Variants in PCDH10 observed in about 807,000 individuals in gnomAD.
PCDH10 encodes protocadherin-10.
A neutral mutation model predicts 74.4 loss-of-function variants in PCDH10; 15 were observed. The observed-to-expected ratio is 0.20, with a 90% CI of 0.13 to 0.31. The LOEUF (loss-of-function observed/expected upper bound fraction) is 0.31. Ranked by LOEUF, PCDH10 falls within the 10% of genes least tolerant of loss-of-function variation. The probability of loss-of-function intolerance (pLI) is 1.00; values close to 1 mark genes in which losing one functional copy is unlikely to be tolerated. For synonymous variants in PCDH10, 619 were observed against 589.8 expected (o/e 1.05, Z -0.72); for missense variants, 1,260 against 1,390.2 (o/e 0.91, Z 1.49).
chr4:133,166,136 T>TAGCA (rs2125864629), intron 4 of PCDH10, among the ~76,000 whole-genome samples: 1 of 151,724 alleles, frequency 6.6e-6, no homozygotes, highest in East Asian at 1.9e-4. Context: ...ATGTTGTAGT[T>TAGCA]TGCTAAGTTG....
At chr4:133,168,127 T>C (rs1211475939) in intron 4 of PCDH10, among the ~76,000 whole-genome samples, 1 of 151,476 alleles carries the variant, frequency 6.6e-6, no homozygotes, top group Non-Finnish European at 1.5e-5. Context: ...AACTTCTCTG[T>C]AACACTAGAT....
rs1405125250 is a variant in PCDH10 at position 133,152,516 on chromosome 4, C to T, written c.2376C>T (p.Ser792=). ...LSKSDIMLVQ[S]SNVPSNPAQV... is the part of the protein sequence containing the mutation. Reference sequence around the variant, plus strand: ...AGTCAGACATCATGCTGGTGCAGAGCTCCAATGTACCCAGTAACCCGGCCC... The same window carrying T: ...AGTCAGACATCATGCTGGTGCAGAGTTCCAATGTACCCAGTAACCCGGCCC... Residue 792 remains serine, a synonymous_variant, in exon 1 of 5, where the codon AGC becomes AGT. Coordinates refer to ENST00000264360, the MANE Select transcript of PCDH10 (RefSeq NM_032961.3). 1.2e-6 allele frequency: 2 copies of T among 1,614,152 alleles called. No individual in the cohort carries two copies. The highest frequency in any genetic ancestry group is 3.3e-5 in the Admixed American group (2 of 60,026).
chr4:133,206,437 T>G (rs1444141230), intron 2 of PCDH10, among the ~76,000 whole-genome samples: 1 of 152,126 alleles, frequency 6.6e-6, no homozygotes, highest in Admixed American at 6.6e-5. Context: ...TAATAACATT[T>G]TTGGTCCTTT....
chr4:133,163,960 T>C, intron 4 of PCDH10: 1 of 450,248 alleles, frequency 2.2e-6, no homozygotes. Flanking sequence ...TGCATTGAGG[T>C]TGTGGCTATT....
intron 4 of PCDH10, among the ~76,000 whole-genome samples, chr4:133,167,620 C>A (rs1727113125): frequency 6.6e-6 from 1 of 151,308 alleles, no homozygotes; most frequent in Admixed American, 6.6e-5. Flanking sequence ...TTCTTTTTAA[C>A]TTGATATGTT....
Position 133,150,591 on chromosome 4 carries a change from G to A in PCDH10, c.451G>A (p.Val151Met). 2 of 1,613,670 alleles carry A rather than the reference G, an allele frequency of 1.2e-6. No individual in the cohort carries two copies. The highest frequency in any genetic ancestry group is 2.2e-5 in the East Asian group (1 of 44,832). The change falls in exon 1 of 5, where the codon GTG becomes ATG. Residue 151 changes from valine (V) to methionine (M), a missense_variant. This residue lies in a region of PCDH10 where 63 missense variants were observed against 100.7 expected (regional missense o/e 0.63). Coordinates refer to ENST00000264360, the MANE Select transcript of PCDH10 (RefSeq NM_032961.3). ...FPLESAFDPD[V>M]GTNSLRDYEI... The stretch of plus-strand genomic sequence containing the variant: ...CTTGGAGAGCGCATTCGACCCAGAC[G>A]TGGGCACCAACTCCTTGCGCGACTA...
intron 2 of PCDH10, among the ~76,000 whole-genome samples, chr4:133,201,471 G>A (rs1461188074): frequency 6.6e-6 from 1 of 152,150 alleles, no homozygotes; most frequent in Non-Finnish European, 1.5e-5. Context: ...CTCAGGGACA[G>A]AGGAAACAAC....
In PCDH10 at chr4:133,191,958, TATATATACAC is replaced by T. The variant is rs1225824069; in HGVS notation, c.*1800_*1809del. Reference sequence around the variant, plus strand: ...TCCCTAGATTTAACTTTAAAATACATATATATACACACACACACACACACACACACACACA... The same window carrying T: ...TCCCTAGATTTAACTTTAAAATACATACACACACACACACACACACACACA... On this transcript the variant is annotated 3_prime_UTR_variant, in exon 5 of 5. Coordinates refer to ENST00000264360, the MANE Select transcript of PCDH10 (RefSeq NM_032961.3). 2 of 93,172 alleles carry T rather than the reference TATATATACAC, an allele frequency of 2.1e-5. No individual in the cohort carries two copies. The highest frequency in any genetic ancestry group is 3.0e-5 in the African/African-American group (1 of 33,104). The allele number at this position is 93,172 out of a possible 1,614,324, so 5.8% of individuals were successfully genotyped here. A position where few individuals can be genotyped will look rare whatever the true frequency, so the allele number is the denominator to read the frequency against.
At chr4:133,153,030 C>A (rs148030868) in intron 1 of PCDH10, 220 of 1,426,700 alleles carry the variant, frequency 1.5e-4, no homozygotes, top group Non-Finnish European at 1.9e-4. Context: ...CTCCTTTGCT[C>A]TTCCATCCTG....
chr4:133,200,261 AG>A (rs1727878293), intron 2 of PCDH10, among the ~76,000 whole-genome samples: 1 of 151,966 alleles, frequency 6.6e-6, no homozygotes, highest in South Asian at 2.1e-4. Context: ...AATTATAATT[AG>A]TTTTAAAGTT....
At position 133,151,563 on chromosome 4, in the gene PCDH10, A is replaced by G. The variant is rs1726695438; in HGVS notation, c.1423A>G (p.Asn475Asp). 2 of 1,613,964 alleles carry G rather than the reference A, an allele frequency of 1.2e-6. No individual in the cohort carries two copies. The highest frequency in any genetic ancestry group is 2.2e-5 in the South Asian group (2 of 91,090). ...GGTCTACGACGTGTATGTGACTGAA[A>G]ACAACGTGCCTGGCGCCTACATCTA... ...QPVYDVYVTE[N>D]NVPGAYIYAV... Residue 475 changes from asparagine to aspartate, a missense_variant, in exon 1 of 5, where the codon AAC (asparagine) becomes GAC (aspartate). Asn to Asp is a conservative substitution (Grantham distance 23). Around this residue, in one of 11 missense-constraint regions of PCDH10, gnomAD observed 587 missense variants for 616.9 expected, o/e 0.95. Coordinates refer to ENST00000264360, the MANE Select transcript of PCDH10 (RefSeq NM_032961.3).
At chr4:133,205,919 G>A (rs1005258172) in intron 2 of PCDH10, among the ~76,000 whole-genome samples, 16 of 151,592 alleles carry the variant, frequency 1.1e-4, no homozygotes, top group African/African-American at 1.7e-4. Context: ...TATTTTTTCC[G>A]AATAGTGTCT....
At chr4:133,171,750 G>A (rs1360904941) in intron 4 of PCDH10, among the ~76,000 whole-genome samples, 2 of 152,022 alleles carry the variant, frequency 1.3e-5, no homozygotes, top group East Asian at 3.9e-4. Flanking sequence ...GAAAACTTGA[G>A]GCTGACCTGA....
downstream of PCDH10, among the ~76,000 whole-genome samples, chr4:133,195,773 T>C (rs1727783768): frequency 6.6e-6 from 1 of 151,986 alleles, no homozygotes; most frequent in African/African-American, 2.4e-5. Flanking sequence ...TAGAAAAGTA[T>C]CAAAATACAT....
intron 4 of PCDH10, among the ~76,000 whole-genome samples, chr4:133,166,228 T>C (rs1727078030): frequency 6.6e-6 from 1 of 151,648 alleles, no homozygotes; most frequent in Non-Finnish European, 1.5e-5. Flanking sequence ...AGAAATGCCG[T>C]ATTTAGATTT....
intron 4 of PCDH10, among the ~76,000 whole-genome samples, chr4:133,165,354 A>G (rs1041458553): frequency 2.0e-5 from 3 of 151,058 alleles, no homozygotes; most frequent in African/African-American, 7.3e-5. Context: ...GAGTCATCCA[A>G]TTATATTTAA....
At chr4:133,153,273 A>G (rs1355389605) in intron 1 of PCDH10, 2 of 1,008,406 alleles carry the variant, frequency 2.0e-6, no homozygotes, top group African/African-American at 1.7e-5. Context: ...CCTCGAATTC[A>G]TGTTTTAGTG....
chr4:133,159,060 G>A lies in PCDH10; in HGVS notation c.2798-3917G>A, dbSNP rs556879428. Among the ~76,000 whole-genome samples, 13 of 151,856 alleles carry A rather than the reference G, an allele frequency of 8.6e-5. No homozygotes were observed. The South Asian group carries it at 1.5e-3, about 17-fold the overall frequency. On this transcript the variant is annotated intron_variant, in intron 3 of 4. Coordinates refer to ENST00000264360, the MANE Select transcript of PCDH10 (RefSeq NM_032961.3). ...GGTTACAATTAATGTATTTTAAGTC[G>A]TTAAAAGAGGACTAGAAATCTCAAA...
At chr4:133,204,247 G>A (rs756817661) in intron 2 of PCDH10, among the ~76,000 whole-genome samples, 1 of 152,154 alleles carries the variant, frequency 6.6e-6, no homozygotes, top group Non-Finnish European at 1.5e-5. Context: ...TCTTTCTAGG[G>A]TATCGGTCCC....
Sources: allele counts gnomAD v4.1 joint callset (sites outside exome capture counted in the v4.1 genomes callset), GRCh38; gene constraint gnomAD v4.1.1; regional missense constraint gnomAD v4.1.1; transcripts MANE v1.5; gene names NCBI Gene and HGNC (gene_info 2026-07-23, HGNC 2026-07-21).